SPATA13: variants seen among roughly 807,000 people sequenced by gnomAD.
The protein encoded by SPATA13 is spermatogenesis-associated protein 13.
SPATA13 carries 50 observed loss-of-function variants against 104.0 expected under a neutral mutation model. The observed-to-expected ratio is 0.48, with a 90% CI of 0.38 to 0.61. SPATA13 has a LOEUF of 0.61. SPATA13 is among the 20% of genes least tolerant of loss of function. The pLI, the probability that SPATA13 is intolerant of heterozygous loss-of-function variation, is 0.00. For missense variants in SPATA13, 1,524 were observed against 1,690.6 expected (o/e 0.90, Z 1.73); for synonymous variants, 606 against 667.5 (o/e 0.91, Z 1.42).
At chr13:24,160,075 C>G (rs1164812704), upstream of SPATA13, among the ~76,000 whole-genome samples, 1 of 152,168 alleles carries the variant, frequency 6.6e-6, no homozygotes, top group African/African-American at 2.4e-5. Context: ...AGACTTGCCC[C>G]AGGCCCTGGG....
At chr13:24,153,531 A>G (rs546190224) in intron 3 of SPATA13, among the ~76,000 whole-genome samples, 5 of 152,352 alleles carry the variant, frequency 3.3e-5, no homozygotes, top group African/African-American at 9.6e-5. Flanking sequence ...TCAGATGACA[A>G]AATCAGTGAA....
chr13:24,258,774 C>T (rs967100567), intron 4 of SPATA13, among the ~76,000 whole-genome samples: 8 of 152,078 alleles, frequency 5.3e-5, no homozygotes, highest in Non-Finnish European at 4.4e-5. Context: ...GCTACATTTC[C>T]CCTTTTACCA....
At chr13:24,266,869 GCAGC>G (rs1216679192) in intron 4 of SPATA13, among the ~76,000 whole-genome samples, 2 of 150,496 alleles carry the variant, frequency 1.3e-5, no homozygotes, top group Non-Finnish European at 3.0e-5. Context: ...TCAGCTCTCC[GCAGC>G]CTCAACCTCT....
intron 3 of SPATA13, among the ~76,000 whole-genome samples, chr13:24,142,959 C>G (rs1280454456): frequency 6.6e-6 from 1 of 152,196 alleles, no homozygotes; most frequent in Non-Finnish European, 1.5e-5. Context: ...CCATGCCTGG[C>G]CTCTCACTGG....
chr13:24,081,473 A>T (rs1879512755), intron 3 of SPATA13, among the ~76,000 whole-genome samples: 1 of 152,108 alleles, frequency 6.6e-6, no homozygotes, highest in Non-Finnish European at 1.5e-5. Flanking sequence ...ATAAACTCAC[A>T]TCAATAGTAT....
At chr13:24,098,434 A>T (rs1880148361) in intron 3 of SPATA13, among the ~76,000 whole-genome samples, 1 of 151,962 alleles carries the variant, frequency 6.6e-6, no homozygotes, top group Non-Finnish European at 1.5e-5. Context: ...CTCCACAAAA[A>T]ATACAGAAGA....
intron 1 of SPATA13, among the ~76,000 whole-genome samples, chr13:24,219,832 C>T (rs1871468974): frequency 6.6e-6 from 1 of 152,176 alleles, no homozygotes; most frequent in Non-Finnish European, 1.5e-5. Flanking sequence ...CTTAATTTTA[C>T]TAATTTATCG....
rs564204787 is a variant in SPATA13, at chr13:24,285,427, AG to A, written c.2302-786del. On this transcript the variant is annotated intron_variant, in intron 5 of 12. Transcript: ENST00000382108. ...AAACCATTTTTGGAGCAAATATTTCAGAATTCAAGTTTGCTAGATAACTGAC... is the reference window on the plus strand; with the variant it reads ...AAACCATTTTTGGAGCAAATATTTCAAATTCAAGTTTGCTAGATAACTGAC... Among the ~76,000 whole-genome samples the A allele has an allele frequency of 2.8e-3, 432 of 152,280 alleles. 2 individuals are homozygous for A. Among genetic ancestry groups the A allele is most frequent in the African/African-American group, 0.01 (417 of 41,552 alleles).
At position 24,270,741 on chromosome 13, in the gene SPATA13, G is replaced by A. The variant is rs1004620808; in HGVS notation, c.2165-13394G>A. 13 of 1,564,880 alleles carry A rather than the reference G, an allele frequency of 8.3e-6. No homozygotes were observed. In the African/African-American group the frequency reaches 1.2e-4, roughly 15 times the overall value. ...CATACAACGTCAAAGCAGTGAATAA[G>A]CGATTTCTGCAGTTCCCGTAGCTGC... On this transcript the variant is annotated intron_variant, in intron 4 of 12. Coordinates refer to ENST00000382108, the MANE Select transcript of SPATA13 (RefSeq NM_001166271.3).
At chr13:24,208,105 C>T (rs1167320517) in intron 1 of SPATA13, among the ~76,000 whole-genome samples, 1 of 152,154 alleles carries the variant, frequency 6.6e-6, no homozygotes, top group African/African-American at 2.4e-5. Flanking sequence ...AAAATGGGCT[C>T]AACAAATCTG....
intron 3 of SPATA13, among the ~76,000 whole-genome samples, chr13:24,096,580 G>C (rs1880093230): frequency 6.6e-6 from 1 of 152,152 alleles, no homozygotes; most frequent in South Asian, 2.1e-4. Context: ...AGCAGAGTGA[G>C]ACTCTGTCTA....
At chr13:24,041,790 A>G (rs1877938348) in intron 3 of SPATA13, among the ~76,000 whole-genome samples, 1 of 152,128 alleles carries the variant, frequency 6.6e-6, no homozygotes, top group East Asian at 1.9e-4. Flanking sequence ...GTCTAGAAGG[A>G]AGGTGGGAAA....
At chr13:24,001,315 G>C (rs998152505) in intron 2 of SPATA13, among the ~76,000 whole-genome samples, 1 of 152,154 alleles carries the variant, frequency 6.6e-6, no homozygotes, top group African/African-American at 2.4e-5. Context: ...CTAAGGTCAG[G>C]ATGCCGGGGA....
chr13:24,010,078 G>A (rs1442764887), intron 2 of SPATA13, among the ~76,000 whole-genome samples: 2 of 152,156 alleles, frequency 1.3e-5, no homozygotes, highest in Admixed American at 6.5e-5. Context: ...CACTGGTTTT[G>A]TCCTGAAAGG....
At chr13:24,247,066 G>C (rs770995534) in intron 2 of SPATA13, among the ~76,000 whole-genome samples, 4 of 152,170 alleles carry the variant, frequency 2.6e-5, no homozygotes, top group Admixed American at 6.5e-5. Flanking sequence ...TCCCAGGAGG[G>C]GATTTGTGAC....
Position 24,121,923 on chromosome 13 carries a change from C to T in SPATA13, c.-111-100896C>T, listed in dbSNP as rs141059253. On this transcript the variant is annotated intron_variant, in intron 3 of 14. Coordinates refer to the SPATA13 transcript ENST00000424834. ...CCAGTGCCAGGTTGCATGATCGGGT[C>T]CCATCTCCTGGGGTTGTTGTTTCTT... is the stretch of plus-strand genomic sequence containing the variant. The T allele has an allele frequency of 5.7e-4, 360 of 636,904 alleles. 1 individual carries two copies. The African/African-American group carries it at 5.7e-3, about 10-fold the overall frequency. The allele number at this position is 636,904 out of a possible 1,614,324, so 39.5% of individuals were successfully genotyped here.
chr13:23,988,531 A>T (rs983741882), intron 2 of SPATA13, among the ~76,000 whole-genome samples: 2 of 152,168 alleles, frequency 1.3e-5, no homozygotes, highest in African/African-American at 2.4e-5. Flanking sequence ...ATTGATATTG[A>T]TTTGCTGAGA....
Position 24,212,007 on chromosome 13 carries a change from G to T in SPATA13, c.-111-10812G>T, listed in dbSNP as rs763146555. 3.9e-5 allele frequency among the ~76,000 whole-genome samples: 6 copies of T among 152,128 alleles called. No individual in the cohort carries two copies. The East Asian group carries it at 1.2e-3, about 29-fold the overall frequency. Reference sequence around the variant, plus strand: ...GATGGCTGAACCTCATCAGCTGTTCGCCATTCCCCTACTAGTGTGTCTACC... The same window carrying T: ...GATGGCTGAACCTCATCAGCTGTTCTCCATTCCCCTACTAGTGTGTCTACC... On this transcript the variant is annotated intron_variant, in intron 1 of 12. Transcript: ENST00000382108.
chr13:24,211,835 C>T (rs1373322474), intron 1 of SPATA13, among the ~76,000 whole-genome samples: 4 of 152,156 alleles, frequency 2.6e-5, no homozygotes, highest in Admixed American at 2.0e-4. Context: ...CCCTGCCTGT[C>T]GTCCTCCAGC....
Sources: gnomAD v4.1 joint callset for allele counts (sites outside exome capture counted in the v4.1 genomes callset) on GRCh38, gnomAD v4.1.1 for gene constraint, MANE v1.5 for transcripts, NCBI Gene and HGNC (gene_info 2026-07-23, HGNC 2026-07-21) for gene names.